The following TMEM108 variants were observed in gnomAD, a reference collection of about 807,000 sequenced individuals.
TMEM108 encodes transmembrane protein 108.
A neutral mutation model predicts 35.1 loss-of-function variants in TMEM108; 12 were observed. That is an observed-to-expected ratio of 0.34 (90% CI 0.22 to 0.55). The LOEUF is 0.55. Among genes scored for constraint, TMEM108 ranks in the 20% least tolerant of loss-of-function variants. TMEM108 has a pLI of 0.89. For synonymous variants in TMEM108, 287 were observed against 308.6 expected, an observed-to-expected ratio of 0.93 and a Z score of 0.73; for missense variants, 680 against 753.3, an observed-to-expected ratio of 0.90 and a Z score of 1.14.
chr3:133,172,377 A>G (rs1232143404), intron 2 of TMEM108, among the ~76,000 whole-genome samples: 1 of 152,256 alleles, frequency 6.6e-6, no homozygotes, highest in Non-Finnish European at 1.5e-5. Flanking sequence ...TTTGAATCAC[A>G]TAAGTAGCTA....
intron 2 of TMEM108, among the ~76,000 whole-genome samples, chr3:133,084,496 G>A (rs1335366191): frequency 6.6e-6 from 1 of 152,186 alleles, no homozygotes; most frequent in Non-Finnish European, 1.5e-5. Context: ...GTTCATAGGA[G>A]AAAAGGGGAG....
Position 133,042,779 on chromosome 3 carries a change from A to G in TMEM108, c.-165-3123A>G, listed in dbSNP as rs553324256. ...CAAGGTAACAGAGCTAGTTAGTGGC[A>G]GAGAACTAGTTAGAGGACTAGGATG... On this transcript the variant is annotated intron_variant, in intron 1 of 5. Transcript: ENST00000321871. Among the ~76,000 whole-genome samples, 20 of 152,352 alleles carry G rather than the reference A, an allele frequency of 1.3e-4. No homozygotes were observed. In the East Asian group the frequency reaches 3.9e-3, roughly 29 times the overall value.
chr3:133,352,294 A>G, intron 3 of TMEM108, among the ~76,000 whole-genome samples: 1 of 152,094 alleles, frequency 6.6e-6, no homozygotes, highest in East Asian at 1.9e-4. Flanking sequence ...GAAAAACCAA[A>G]CTGCTTTTCT....
At chr3:133,258,081 G>A (rs1266401899) in intron 3 of TMEM108, among the ~76,000 whole-genome samples, 1 of 152,170 alleles carries the variant, frequency 6.6e-6, no homozygotes, top group Non-Finnish European at 1.5e-5. Context: ...ATGGTATTTG[G>A]AGGTGGGGCC....
intron 2 of TMEM108, among the ~76,000 whole-genome samples, chr3:133,163,792 G>T (rs1257359971): frequency 5.9e-5 from 9 of 152,120 alleles, no homozygotes; most frequent in Non-Finnish European, 1.2e-4. Flanking sequence ...TTTTGCCATT[G>T]GGTGTAGCAT....
intron 3 of TMEM108, among the ~76,000 whole-genome samples, chr3:133,285,090 T>C (rs1946965935): frequency 6.6e-6 from 1 of 152,224 alleles, no homozygotes; most frequent in Non-Finnish European, 1.5e-5. Flanking sequence ...CCTTGCTGAA[T>C]TGTTTTGTAA....
At chr3:133,121,553 T>G (rs1944352718) in intron 2 of TMEM108, among the ~76,000 whole-genome samples, 1 of 152,192 alleles carries the variant, frequency 6.6e-6, no homozygotes, top group African/African-American at 2.4e-5. Context: ...ATTTTCAGGG[T>G]CTCAAAGAAG....
At chr3:133,147,938 T>A (rs762778516) in intron 2 of TMEM108, among the ~76,000 whole-genome samples, 5 of 152,004 alleles carry the variant, frequency 3.3e-5, no homozygotes, top group Non-Finnish European at 7.4e-5. Flanking sequence ...CTTTGTCTGA[T>A]TAAAAACCCT....
intron 4 of TMEM108, chr3:133,387,653 T>C (rs2073172710): frequency 1.4e-6 from 1 of 731,238 alleles, no homozygotes; most frequent in South Asian, 6.2e-5. Context: ...AGAATAAGAA[T>C]GTAGGCTGGG....
At chr3:133,370,353 C>T (rs1470249010) in intron 3 of TMEM108, among the ~76,000 whole-genome samples, 1 of 152,022 alleles carries the variant, frequency 6.6e-6, no homozygotes, top group African/African-American at 2.4e-5. Flanking sequence ...TGATGTTTTT[C>T]TTATAACTAT....
intron 2 of TMEM108, among the ~76,000 whole-genome samples, chr3:133,125,913 A>G (rs11710705): frequency 0.32 from 48,258 of 152,072 alleles, 9,064 homozygotes; most frequent in Non-Finnish European, 0.42. Flanking sequence ...TCACTGTTTT[A>G]TTTCAGGGCT....
At chr3:133,068,951 A>T (rs1476006153) in intron 2 of TMEM108, among the ~76,000 whole-genome samples, 1 of 152,112 alleles carries the variant, frequency 6.6e-6, no homozygotes, top group Non-Finnish European at 1.5e-5. Flanking sequence ...AGGATGAGTA[A>T]AAGTTAAATA....
chr3:133,057,429 GTGTGTGTATATATATATATATATA>G, intron 2 of TMEM108, among the ~76,000 whole-genome samples: 1 of 30,624 alleles, frequency 3.3e-5, no homozygotes, highest in Non-Finnish European at 7.1e-5. Context: ...AGTTGTGTGT[GTGTGTGTATATATATATATATATA>G]TATATATATA....
intron 3 of TMEM108, among the ~76,000 whole-genome samples, chr3:133,241,771 C>T (rs539112685): frequency 1.3e-5 from 2 of 151,998 alleles, no homozygotes; most frequent in African/African-American, 2.4e-5. Flanking sequence ...CACGCCACCA[C>T]GCCCAGCTAA....
In TMEM108 at chr3:133,093,384, A is replaced by C. The variant is rs530742382; in HGVS notation, c.-47+47364A>C. On this transcript the variant is annotated intron_variant, in intron 2 of 5. Transcript: ENST00000321871. Reference sequence around the variant, plus strand: ...GCAGTTAGAACTCTTGGGACACCACACTCTTGGTAAGGGCAGTAGGAGCTT... The same window carrying C: ...GCAGTTAGAACTCTTGGGACACCACCCTCTTGGTAAGGGCAGTAGGAGCTT... Among the ~76,000 whole-genome samples, 89 of 152,102 alleles carry C rather than the reference A, an allele frequency of 5.9e-4. 1 individual carries two copies. The highest frequency in any genetic ancestry group is 2.4e-3 in the Admixed American group (37 of 15,260).
intron 2 of TMEM108, among the ~76,000 whole-genome samples, chr3:133,172,947 G>A (rs1945152417): frequency 6.6e-6 from 1 of 152,138 alleles, no homozygotes; most frequent in Non-Finnish European, 1.5e-5. Flanking sequence ...CTGCTATTCA[G>A]GTAAGACGTG....
intron 2 of TMEM108, among the ~76,000 whole-genome samples, chr3:133,175,422 G>A (rs1351593064): frequency 1.3e-5 from 2 of 152,184 alleles, no homozygotes; most frequent in Non-Finnish European, 2.9e-5. Flanking sequence ...CAGCCAGAGA[G>A]AAAGGTCGGG....
intron 2 of TMEM108, among the ~76,000 whole-genome samples, chr3:133,197,575 A>G (rs1195311438): frequency 1.3e-5 from 2 of 152,130 alleles, no homozygotes; most frequent in Admixed American, 6.5e-5. Flanking sequence ...AACTCCCTGT[A>G]TTTCTGAGCT....
intron 3 of TMEM108, among the ~76,000 whole-genome samples, chr3:133,264,148 AC>A (rs1477246559): frequency 1.3e-5 from 2 of 152,148 alleles, no homozygotes; most frequent in African/African-American, 2.4e-5. Flanking sequence ...TCTTAAAAAA[AC>A]AACAACAAAA....
Sources: gnomAD v4.1 joint callset for allele counts (sites outside exome capture counted in the v4.1 genomes callset) on GRCh38, gnomAD v4.1.1 for gene constraint, MANE v1.5 for transcripts, NCBI Gene and HGNC (gene_info 2026-07-23, HGNC 2026-07-21) for gene names.